TERB1: variants seen among roughly 807,000 people sequenced by gnomAD.
TERB1 encodes the protein telomere repeat binding bouquet formation protein 1.
TERB1 carries 63 observed loss-of-function variants against 92.3 expected under a neutral mutation model. That is an observed-to-expected ratio of 0.68 (90% CI 0.56 to 0.84). The LOEUF is 0.84. Ranked by LOEUF, TERB1 falls within the 40% of genes least tolerant of loss-of-function variation. The pLI, the probability that TERB1 is intolerant of heterozygous loss-of-function variation, is 0.00. For missense variants in TERB1, 709 were observed against 843.7 expected (o/e 0.84, Z 1.98); for synonymous variants, 252 against 283.9 (o/e 0.89, Z 1.13).
Position 66,790,640 on chromosome 16 carries a change from T to G in TERB1, c.226A>C (p.Lys76Gln), listed in dbSNP as rs1397696577. 2 of 1,550,620 alleles carry G rather than the reference T, an allele frequency of 1.3e-6. No individual in the cohort carries two copies. Among genetic ancestry groups the G allele is most frequent in the African/African-American group, 2.7e-5 (2 of 73,022 alleles). The change falls in exon 5 of 19, where the codon AAA (lysine) becomes CAA (glutamine). Residue 76 changes from lysine (K) to glutamine (Q), a missense_variant. Physicochemically the swap from Lys to Gln is moderately conservative, Grantham distance 53 (BLOSUM62 1). Coordinates refer to ENST00000433154, the MANE Select transcript of TERB1 (RefSeq NM_001136505.2). ...CCTAATGTATATAAGGCTGCTTCTT[T>G]TACCATGCTATGTTCACTTGACTTT... is the stretch of plus-strand genomic sequence containing the variant. ...LAKSSEHSMV[K>Q]EAALYTLGAI...
At chr16:66,757,642 A>G (rs2018159007) in intron 18 of TERB1, among the ~76,000 whole-genome samples, 1 of 152,234 alleles carries the variant, frequency 6.6e-6, no homozygotes, top group South Asian at 2.1e-4. Flanking sequence ...AATTTCCTTG[A>G]AAGTTTTGGC....
At chr16:66,785,527 GT>G (rs1380364540) in intron 9 of TERB1, among the ~76,000 whole-genome samples, 1 of 152,008 alleles carries the variant, frequency 6.6e-6, no homozygotes, top group Non-Finnish European at 1.5e-5. Context: ...CACTCTATGG[GT>G]TTTTAGTCTT....
intron 14 of TERB1, among the ~76,000 whole-genome samples, chr16:66,768,398 C>T (rs540005529): frequency 6.6e-6 from 1 of 151,870 alleles, no homozygotes; most frequent in South Asian, 2.1e-4. Context: ...GTATTGATGC[C>T]AGAAGAAACA....
At chr16:66,764,806 A>G (rs980480864) in intron 16 of TERB1, among the ~76,000 whole-genome samples, 4 of 152,218 alleles carry the variant, frequency 2.6e-5, no homozygotes, top group Non-Finnish European at 5.9e-5. Flanking sequence ...TGGGAGGCCA[A>G]TTTAAAAGGA....
chr16:66,758,824 G>C lies in TERB1; in HGVS notation c.1945C>G (p.Pro649Ala), dbSNP rs182898829. 6 of 1,534,000 alleles carry C rather than the reference G, an allele frequency of 3.9e-6. No individual in the cohort carries two copies. The East Asian group carries it at 1.5e-4, about 38-fold the overall frequency. Residue 649 changes from proline (P) to alanine (A), a missense_variant, in exon 18 of 19, where the codon CCA (proline) becomes GCA (alanine). Coordinates refer to ENST00000433154, the MANE Select transcript of TERB1 (RefSeq NM_001136505.2). ...TTACTGAGTCGTTGTCTTCTACGTG[G>C]GGTCAGCAGAATTTCTGAAAAATAT... Reference protein sequence around the residue: ...LICNKKILLTPRRRQRLSNES... With the variant: ...LICNKKILLTARRRQRLSNES...
rs553628528 is a variant in TERB1, at chr16:66,770,156, T to C, written c.1426A>G (p.Lys476Glu). The change falls in exon 14 of 19, where the codon AAG becomes GAG. Residue 476 changes from lysine to glutamate, a missense_variant. Transcript: ENST00000433154. Reference sequence around the variant, plus strand: ...GCTTTAGACATGACTCCATGGGACTTATAACTCTGTAACTGTCTAGAATGG... The same window carrying C: ...GCTTTAGACATGACTCCATGGGACTCATAACTCTGTAACTGTCTAGAATGG... The part of the protein sequence containing the change: ...KSHSRQLQSY[K>E]SHGVMSKACT... 3 of 1,552,348 alleles carry C rather than the reference T, an allele frequency of 1.9e-6. No homozygotes were observed. Among genetic ancestry groups the C allele is most frequent in the East Asian group, 4.9e-5 (2 of 40,910 alleles).
At chr16:66,760,456 C>CAAA (rs1338924292) in intron 16 of TERB1, among the ~76,000 whole-genome samples, 1 of 38,364 alleles carries the variant, frequency 2.6e-5, no homozygotes, top group Non-Finnish European at 4.3e-5. Flanking sequence ...GACTCCATCT[C>CAAA]AAAAAAAAAA....
chr16:66,792,627 C>T (rs1439773794), intron 3 of TERB1, among the ~76,000 whole-genome samples: 1 of 152,154 alleles, frequency 6.6e-6, no homozygotes, highest in African/African-American at 2.4e-5. Context: ...GATGGGGATA[C>T]ATTCTGAGAA....
intron 3 of TERB1, among the ~76,000 whole-genome samples, chr16:66,794,909 CAAAAA>C (rs58303083): frequency 0.018 from 2,351 of 132,390 alleles, 43 homozygotes; most frequent in South Asian, 0.094. Context: ...GACTCCGTCT[CAAAAA>C]AAAAAAAAAC....
intron 15 of TERB1, among the ~76,000 whole-genome samples, chr16:66,767,732 CTT>C (rs797009564): frequency 2.1e-5 from 3 of 144,770 alleles, no homozygotes; most frequent in Non-Finnish European, 1.5e-5. Context: ...TAGCAATGGA[CTT>C]TTTTTTTTTT....
In TERB1 at chr16:66,790,623, A is replaced by G. The variant is rs1267928180; in HGVS notation, c.243T>C (p.Tyr81=). Residue 81 remains tyrosine (Y), a synonymous_variant, in exon 5 of 19, where the codon TAT becomes TAC. Coordinates refer to ENST00000433154, the MANE Select transcript of TERB1 (RefSeq NM_001136505.2). ...EHSMVKEAAL[Y]TLGAIAEKNV... ...TTTTCTCTGCAATAGCTCCTAATGT[A>G]TATAAGGCTGCTTCTTTTACCATGC... 2 of 1,549,278 alleles carry G rather than the reference A, an allele frequency of 1.3e-6. No homozygotes were observed. The highest frequency in any genetic ancestry group is 4.9e-5 in the East Asian group (2 of 40,786).
intron 18 of TERB1, among the ~76,000 whole-genome samples, chr16:66,756,132 CATCTT>C (rs2018134449): frequency 6.6e-6 from 1 of 152,304 alleles, no homozygotes; most frequent in African/African-American, 2.4e-5. Context: ...ATTATTATCT[CATCTT>C]ATCAATGTGG....
intron 6 of TERB1, 135 bp from the exon 7 acceptor site, chr16:66,786,420 C>T (rs539996151): frequency 2.6e-5 from 16 of 622,234 alleles, no homozygotes; most frequent in Admixed American, 9.8e-5. Context: ...CATAGAATTA[C>T]GGTGGATAAA....
Position 66,786,071 on chromosome 16 carries a change from G to A in TERB1, c.520C>T (p.Gln174Ter). The change falls in exon 8 of 19, where the codon CAG (glutamine) becomes TAG (stop). Residue 174 changes from glutamine to a stop codon, truncating the protein, a stop_gained. Coordinates refer to ENST00000433154, the MANE Select transcript of TERB1 (RefSeq NM_001136505.2). LOFTEE classifies it high-confidence loss of function. ...LSDKNVFQSY[Q>*]LWSSVCSTLC... ...GTACTACACACTGAAGACCACAACT[G>A]ATAACTCTGGAAAACATTTTTATCT... The A allele has an allele frequency of 6.4e-7, 1 of 1,551,684 alleles. No individual in the cohort carries two copies. The highest frequency in any genetic ancestry group is 1.2e-5 in the South Asian group (1 of 84,026).
At chr16:66,759,014 G>T in intron 17 of TERB1, 127 bp downstream of exon 17, 1 of 1,001,198 alleles carries the variant, frequency 1.0e-6, no homozygotes, top group South Asian at 1.7e-5. Context: ...TCAATTACTT[G>T]TTGCTTAGAG....
Position 66,786,009 on chromosome 16 carries a change from A to G in TERB1, c.577+5T>C. 1 of 1,541,964 alleles carries G rather than the reference A, an allele frequency of 6.5e-7. No individual in the cohort carries two copies. The highest frequency in any genetic ancestry group is 8.8e-7 in the Non-Finnish European group (1 of 1,141,214). On this transcript the variant is annotated splice_donor_5th_base_variant and intron_variant, in intron 8 of 18. Coordinates refer to ENST00000433154, the MANE Select transcript of TERB1 (RefSeq NM_001136505.2). ...TTTTTATATTTAAACATGACAGATA[A>G]TTACCATTTTGAGGATTGTTGACAC...
At chr16:66,785,943 G>C in intron 8 of TERB1, 35 bp from the exon 9 acceptor site, 1 of 1,529,714 alleles carries the variant, frequency 6.5e-7, no homozygotes, top group Non-Finnish European at 8.8e-7. Flanking sequence ...GATTTAATAT[G>C]ACAATTGGAA....
chr16:66,761,122 A>AAAAAAAG (rs2018238272), intron 16 of TERB1, among the ~76,000 whole-genome samples: 1 of 149,658 alleles, frequency 6.7e-6, no homozygotes, highest in South Asian at 2.1e-4. Flanking sequence ...AAAAAAAAAA[A>AAAAAAAG]AAAAGAAAAG....
chr16:66,780,246 T>C (rs8054044), intron 9 of TERB1, among the ~76,000 whole-genome samples: 45,930 of 152,070 alleles, frequency 0.3, 8,197 homozygotes, highest in East Asian at 0.6. Context: ...AGAAAGTATT[T>C]TCATTTTTTA....
Sources: allele counts gnomAD v4.1 joint callset (sites outside exome capture counted in the v4.1 genomes callset), GRCh38; gene constraint gnomAD v4.1.1; transcripts MANE v1.5; gene names NCBI Gene and HGNC (gene_info 2026-07-23, HGNC 2026-07-21).